KIR3DL3: variants seen among roughly 807,000 people sequenced by gnomAD.
The protein encoded by KIR3DL3 is killer cell immunoglobulin like receptor, three Ig domains and long cytoplasmic tail 3.
Under a neutral mutation model 34.9 loss-of-function variants are expected in KIR3DL3, and 27 were observed. The ratio of observed to expected loss-of-function variants is 0.77; its 90% confidence interval spans 0.57 to 1.07. KIR3DL3 has a LOEUF of 1.07. KIR3DL3 is among the 50% of genes least tolerant of loss of function. The pLI is 0.00. For missense variants in KIR3DL3, 681 were observed against 528.5 expected, an observed-to-expected ratio of 1.29 and a Z score of -2.83; for synonymous variants, 217 against 200.2, an observed-to-expected ratio of 1.08 and a Z score of -0.71.
chr19:54,731,636 A>G (rs1266037584), intron 5 of KIR3DL3, among the ~76,000 whole-genome samples: 2 of 152,216 alleles, frequency 1.3e-5, no homozygotes, highest in Non-Finnish European at 2.9e-5. Context: ...CACTGGGCTG[A>G]TATCAAAGGG....
At chr19:54,725,334 C>T (rs62131755) in intron 2 of KIR3DL3, 52 bp downstream of exon 2, 885,808 of 1,316,846 alleles carry the variant, frequency 0.67, 300,004 homozygotes, top group Admixed American at 0.72. Context: ...TAAGATGATG[C>T]TCCTGAAACG....
intron 2 of KIR3DL3, 87 bp downstream of exon 2, chr19:54,725,369 A>G: frequency 2.0e-6 from 2 of 1,000,868 alleles, no homozygotes; most frequent in South Asian, 2.3e-5. Flanking sequence ...CAGGGGGTTG[A>G]CTGATGGGCT....
chr19:54,734,664 C>A (rs540303385), intron 5 of KIR3DL3, among the ~76,000 whole-genome samples: 1 of 146,920 alleles, frequency 6.8e-6, no homozygotes, highest in African/African-American at 2.6e-5. Context: ...AACACTTGAG[C>A]CTGGGTAACT....
At chr19:54,729,933 C>T in intron 5 of KIR3DL3, 147 bp downstream of exon 5, 1 of 529,736 alleles carries the variant, frequency 1.9e-6, no homozygotes, top group Non-Finnish European at 3.0e-6. Flanking sequence ...CGCAGGATGG[C>T]AGACAGGGCA....
At chr19:54,735,216 A>G in intron 5 of KIR3DL3, 37 bp from the exon 6 acceptor site, 1 of 1,376,738 alleles carries the variant, frequency 7.3e-7, no homozygotes, top group Non-Finnish European at 1.0e-6. Flanking sequence ...AGGAACTGCT[A>G]TGATTAGCTT....
At chr19:54,735,720 T>A in intron 6 of KIR3DL3, 100 bp from the exon 7 acceptor site, 2 of 1,386,474 alleles carry the variant, frequency 1.4e-6, no homozygotes, top group Non-Finnish European at 2.0e-6. Flanking sequence ...CTGAGGGACC[T>A]CAGGCACCTA....
At chr19:54,726,020 T>C (rs1167132382) in intron 2 of KIR3DL3, 33 bp from the exon 3 acceptor site, 3 of 1,503,244 alleles carry the variant, frequency 2.0e-6, no homozygotes, top group African/African-American at 1.4e-5. Context: ...CTCCACATCC[T>C]CCTCTCTAAG....
rs113988102 is a variant in KIR3DL3, at chr19:54,726,137, G to A, written c.155G>A (p.Arg52His). The A allele has an allele frequency of 0.051, 82,625 of 1,612,910 alleles. 3,734 individuals are homozygous for A. The highest frequency in any genetic ancestry group is 0.22 in the Admixed American group (12,896 of 59,862). The stretch of plus-strand genomic sequence containing the variant: ...CATGTGACTCTTCAGTGTCGCTCTC[G>A]TCTTGGGTTTAATGAATTCAGTCTG... ...GQHVTLQCRS[R>H]LGFNEFSLSK... is the part of the protein sequence containing the mutation. The change falls in exon 3 of 8, where the codon CGT (arginine) becomes CAT (histidine). Residue 52 changes from arginine to histidine, a missense_variant. Arg to His is a conservative substitution (Grantham distance 29). Transcript: ENST00000291860.
intron 5 of KIR3DL3, among the ~76,000 whole-genome samples, chr19:54,731,365 A>G (rs34344117): frequency 0.43 from 62,852 of 147,532 alleles, 14,145 homozygotes; most frequent in Non-Finnish European, 0.51. Flanking sequence ...GTACTAATTT[A>G]CATTCGTATC....
At chr19:54,728,047 C>A (rs1436786372) in intron 4 of KIR3DL3, 137 bp downstream of exon 4, 2 of 849,328 alleles carry the variant, frequency 2.4e-6, no homozygotes, top group Non-Finnish European at 3.7e-6. Flanking sequence ...AGGTCTGTAC[C>A]AACAAAGGCA....
intron 5 of KIR3DL3, among the ~76,000 whole-genome samples, chr19:54,733,475 T>G (rs1247847826): frequency 6.6e-6 from 1 of 152,162 alleles, no homozygotes; most frequent in Non-Finnish European, 1.5e-5. Flanking sequence ...GAGGTTGAAC[T>G]GAGATCGCAT....
At chr19:54,732,228 T>G (rs369443544) in intron 5 of KIR3DL3, among the ~76,000 whole-genome samples, 4 of 147,816 alleles carry the variant, frequency 2.7e-5, no homozygotes, top group African/African-American at 5.0e-5. Context: ...AAATCTGGGG[T>G]TTTTTGTGTG....
At chr19:54,730,525 G>C (rs1360667980) in intron 5 of KIR3DL3, among the ~76,000 whole-genome samples, 3 of 151,596 alleles carry the variant, frequency 2.0e-5, no homozygotes, top group Non-Finnish European at 4.4e-5. Flanking sequence ...AGTGAGCTGA[G>C]ATCATGCCAC....
intron 5 of KIR3DL3, among the ~76,000 whole-genome samples, chr19:54,733,639 C>T (rs2069083693): frequency 6.6e-6 from 1 of 152,320 alleles, no homozygotes; most frequent in Non-Finnish European, 1.5e-5. Context: ...TTATCTTATC[C>T]ATTAAACAAT....
chr19:54,726,362 C>G (rs2068185239), intron 3 of KIR3DL3, 25 bp downstream of exon 3: 1 of 1,605,990 alleles, frequency 6.2e-7, no homozygotes, highest in African/African-American at 1.3e-5. Flanking sequence ...GTCTGGGCTT[C>G]TCACTGTCCC....
At chr19:54,730,837 G>T (rs1230726117) in intron 5 of KIR3DL3, among the ~76,000 whole-genome samples, 3 of 152,144 alleles carry the variant, frequency 2.0e-5, no homozygotes, top group Non-Finnish European at 2.9e-5. Context: ...ACCCACTGAT[G>T]GGCAGGTAGG....
chr19:54,728,344 C>T (rs1317973387), intron 4 of KIR3DL3, among the ~76,000 whole-genome samples: 1 of 148,140 alleles, frequency 6.8e-6, no homozygotes, highest in Non-Finnish European at 1.5e-5. Context: ...GTGGCACCTA[C>T]AGATGTTGTG....
chr19:54,734,158 T>C (rs1350548044), intron 5 of KIR3DL3, among the ~76,000 whole-genome samples: 6 of 123,182 alleles, frequency 4.9e-5, no homozygotes. Context: ...TCTTGGAGAA[T>C]GTAATTTTTT....
Position 54,735,900 on chromosome 19 carries a change from G to C in KIR3DL3, c.1107+28G>C, listed in dbSNP as rs534575516. On this transcript the variant is annotated intron_variant, in intron 7 of 7. Coordinates refer to ENST00000291860, the MANE Select transcript of KIR3DL3 (RefSeq NM_153443.5). ...AGGTGCTCCTCCGCCCAGCCTCGTGGCTAGTCTTATTCCCAAAGAGTCCTG... is the reference window on the plus strand; with the variant it reads ...AGGTGCTCCTCCGCCCAGCCTCGTGCCTAGTCTTATTCCCAAAGAGTCCTG... 18 of 1,605,754 alleles carry C rather than the reference G, an allele frequency of 1.1e-5. No individual in the cohort carries two copies. The East Asian group carries it at 3.8e-4, about 34-fold the overall frequency.
Sources: gnomAD v4.1 joint callset for allele counts (sites outside exome capture counted in the v4.1 genomes callset) on GRCh38, gnomAD v4.1.1 for gene constraint, MANE v1.5 for transcripts, NCBI Gene and HGNC (gene_info 2026-07-23, HGNC 2026-07-21) for gene names.